The following KIAA0825 variants were observed in gnomAD, a reference collection of about 807,000 sequenced individuals.
The protein encoded by KIAA0825 is KIAA0825.
In KIAA0825, 119 loss-of-function variants were observed where a neutral mutation model predicts 147.6. That is an observed-to-expected ratio of 0.81 (90% CI 0.69 to 0.94). The LOEUF (loss-of-function observed/expected upper bound fraction) is 0.94, where lower values mean the gene tolerates loss of function less well. Ranked by LOEUF, KIAA0825 falls within the 40% of genes least tolerant of loss-of-function variation. The pLI is 0.00. For synonymous variants in KIAA0825, 470 were observed against 518.1 expected, an observed-to-expected ratio of 0.91 and a Z score of 1.26; for missense variants, 1,381 against 1,472.7, an observed-to-expected ratio of 0.94 and a Z score of 1.02.
At chr5:94,202,908 GATGGTGAT>G (rs1771829120) in intron 20 of KIAA0825, among the ~76,000 whole-genome samples, 1 of 152,166 alleles carries the variant, frequency 6.6e-6, no homozygotes, top group South Asian at 2.1e-4. Flanking sequence ...TTTGTTCTGA[GATGGTGAT>G]TTTCAATTCA....
At chr5:94,316,266 TTTA>T (rs1376904341) in intron 20 of KIAA0825, among the ~76,000 whole-genome samples, 4 of 151,674 alleles carry the variant, frequency 2.6e-5, no homozygotes, top group African/African-American at 7.2e-5. Context: ...AAATAAAAAT[TTTA>T]TTACTATGGC....
intron 1 of KIAA0825, among the ~76,000 whole-genome samples, chr5:94,597,562 C>T (rs1585002343): frequency 6.6e-6 from 1 of 152,008 alleles, no homozygotes; most frequent in African/African-American, 2.4e-5. Flanking sequence ...GGAAAGAAAC[C>T]TTTCCAAGAC....
At chr5:94,175,640 T>G (rs1332934495) in intron 20 of KIAA0825, among the ~76,000 whole-genome samples, 1 of 152,186 alleles carries the variant, frequency 6.6e-6, no homozygotes, top group East Asian at 1.9e-4. Context: ...AAATTCTAAC[T>G]TCAAATGTAA....
intron 14 of KIAA0825, among the ~76,000 whole-genome samples, chr5:94,429,885 G>T (rs1755433721): frequency 6.6e-6 from 1 of 152,334 alleles, no homozygotes; most frequent in South Asian, 2.1e-4. Context: ...AGGAGAGTGG[G>T]TGCTCCAGAT....
intron 20 of KIAA0825, among the ~76,000 whole-genome samples, chr5:94,218,884 T>C (rs1248464796): frequency 1.3e-5 from 2 of 152,216 alleles, no homozygotes; most frequent in African/African-American, 4.8e-5. Flanking sequence ...TTTTTGTTGT[T>C]GTTGTTGTTC....
chr5:94,247,008 C>G (rs779656806), intron 20 of KIAA0825, among the ~76,000 whole-genome samples: 3 of 152,110 alleles, frequency 2.0e-5, no homozygotes, highest in Non-Finnish European at 4.4e-5. Flanking sequence ...CTTCTTCATT[C>G]TCTTCATCTT....
chr5:94,367,341 A>T (rs1411703828), intron 20 of KIAA0825, among the ~76,000 whole-genome samples: 1 of 152,154 alleles, frequency 6.6e-6, no homozygotes, highest in Non-Finnish European at 1.5e-5. Flanking sequence ...TAATAAAAAT[A>T]CAAAAAATTA....
chr5:94,351,550 A>G (rs551249017), intron 20 of KIAA0825, among the ~76,000 whole-genome samples: 2 of 152,360 alleles, frequency 1.3e-5, no homozygotes, highest in East Asian at 1.9e-4. Flanking sequence ...ATCCACATCA[A>G]AATACCACCA....
At position 94,151,897 on chromosome 5, in the gene KIAA0825, T is replaced by C. The variant is rs1766527751; in HGVS notation, c.*2110A>G. ...ATGAAGCACAGTTATGCAGATTTAG[T>C]ACACAGACCACCACTTAGCTGAAGG... On this transcript the variant is annotated 3_prime_UTR_variant, in exon 21 of 21. Coordinates refer to ENST00000682413, the MANE Select transcript of KIAA0825 (RefSeq NM_001145678.3). Among the ~76,000 whole-genome samples the C allele has an allele frequency of 6.6e-6, 1 of 152,226 alleles. No homozygotes were observed. The highest frequency in any genetic ancestry group is 2.4e-5 in the African/African-American group (1 of 41,470).
intron 20 of KIAA0825, among the ~76,000 whole-genome samples, chr5:94,251,542 A>C (rs1317327335): frequency 6.6e-6 from 1 of 152,106 alleles, no homozygotes; most frequent in African/African-American, 2.4e-5. Context: ...GGAGGAAAGA[A>C]GCAAACAACT....
chr5:94,160,750 C>G (rs6882733), intron 20 of KIAA0825, among the ~76,000 whole-genome samples: 2,775 of 151,516 alleles, frequency 0.018, 94 homozygotes, highest in African/African-American at 0.063. Flanking sequence ...ACCATTACCC[C>G]CTTCTCCCTC....
At chr5:94,433,852 G>A (rs767262116) in intron 14 of KIAA0825, among the ~76,000 whole-genome samples, 2 of 152,174 alleles carry the variant, frequency 1.3e-5, no homozygotes, top group South Asian at 2.1e-4. Context: ...TTCTTGGGGC[G>A]ATAGGCAAAG....
At chr5:94,324,170 G>A (rs1780462429) in intron 20 of KIAA0825, among the ~76,000 whole-genome samples, 1 of 151,986 alleles carries the variant, frequency 6.6e-6, no homozygotes, top group African/African-American at 2.4e-5. Flanking sequence ...AGACAGCAAT[G>A]CTTATAAAAG....
intron 3 of KIAA0825, among the ~76,000 whole-genome samples, chr5:94,535,264 CT>C (rs1055747031): frequency 5.9e-5 from 9 of 152,154 alleles, no homozygotes; most frequent in African/African-American, 1.7e-4. Context: ...AATCCCAGCA[CT>C]TTGGGAGGCT....
chr5:94,174,536 T>A (rs185038915), intron 20 of KIAA0825, among the ~76,000 whole-genome samples: 128 of 152,292 alleles, frequency 8.4e-4, no homozygotes, highest in African/African-American at 3.0e-3. Flanking sequence ...TTGTCAATTA[T>A]GAATTACATT....
chr5:94,484,593 AGGAT>A (rs1762833124), intron 6 of KIAA0825, among the ~76,000 whole-genome samples, 172 bp downstream of exon 6: 1 of 151,758 alleles, frequency 6.6e-6, no homozygotes, highest in African/African-American at 2.4e-5. Context: ...CCAAGCATGA[AGGAT>A]AAAAATGTGT....
At chr5:94,251,963 G>A (rs1775985832) in intron 20 of KIAA0825, among the ~76,000 whole-genome samples, 1 of 151,794 alleles carries the variant, frequency 6.6e-6, no homozygotes, top group Admixed American at 6.6e-5. Flanking sequence ...TTTCATTATG[G>A]ATATTTTAAG....
At chr5:94,307,920 G>A (rs1217449759) in intron 20 of KIAA0825, among the ~76,000 whole-genome samples, 1 of 151,668 alleles carries the variant, frequency 6.6e-6, no homozygotes, top group Non-Finnish European at 1.5e-5. Context: ...TCAGGACTCT[G>A]AGGAAATATT....
intron 14 of KIAA0825, among the ~76,000 whole-genome samples, chr5:94,431,927 G>T (rs1258852717): frequency 6.6e-6 from 1 of 152,182 alleles, no homozygotes; most frequent in Non-Finnish European, 1.5e-5. Flanking sequence ...GCAGGGGATT[G>T]TTGGTGTTGC....
Sources: allele counts gnomAD v4.1 joint callset (sites outside exome capture counted in the v4.1 genomes callset), GRCh38; gene constraint gnomAD v4.1.1; transcripts MANE v1.5; gene names NCBI Gene and HGNC (gene_info 2026-07-23, HGNC 2026-07-21).